UVRAG: variants seen among roughly 807,000 people sequenced by gnomAD.
UVRAG encodes UV radiation resistance associated.
Under a neutral mutation model 78.0 loss-of-function variants are expected in UVRAG, and 19 were observed. The observed-to-expected ratio is 0.24, with a 90% confidence interval of 0.17 to 0.36. The LOEUF (loss-of-function observed/expected upper bound fraction) is 0.36. Ranked by LOEUF, UVRAG falls within the 10% of genes least tolerant of loss-of-function variation. UVRAG has a pLI of 1.00. For synonymous variants in UVRAG, 323 were observed against 324.6 expected (o/e 1.00, Z 0.05); for missense variants, 740 against 853.8 (o/e 0.87, Z 1.66).
intron 2 of UVRAG, among the ~76,000 whole-genome samples, chr11:75,860,357 C>T (rs915200601): frequency 4.6e-5 from 7 of 152,186 alleles, no homozygotes; most frequent in Non-Finnish European, 7.3e-5. Context: ...CTAAGGAATT[C>T]GCTTTCTCAA....
chr11:76,139,527 CAAGCCACTT>C (rs1952665789), intron 14 of UVRAG, among the ~76,000 whole-genome samples: 1 of 152,140 alleles, frequency 6.6e-6, no homozygotes, highest in Admixed American at 6.5e-5. Context: ...TGCCCTTCTG[CAAGCCACTT>C]AACCCTCTAT....
chr11:75,919,343 CT>C (rs1947925686), intron 6 of UVRAG, among the ~76,000 whole-genome samples: 2 of 152,034 alleles, frequency 1.3e-5, no homozygotes, highest in Admixed American at 6.5e-5. Context: ...AACTCGTGTA[CT>C]TTCTTTTCTT....
intron 11 of UVRAG, among the ~76,000 whole-genome samples, chr11:76,015,167 C>T (rs968384593): frequency 1.3e-5 from 2 of 151,994 alleles, no homozygotes; most frequent in Non-Finnish European, 2.9e-5. Context: ...AGGTGGTACA[C>T]GTGTGTCATA....
chr11:76,002,743 T>A (rs1949840530), intron 8 of UVRAG, among the ~76,000 whole-genome samples: 1 of 152,116 alleles, frequency 6.6e-6, no homozygotes, highest in Admixed American at 6.6e-5. Flanking sequence ...AACTTACTGG[T>A]CTTCATAGTA....
intron 1 of UVRAG, among the ~76,000 whole-genome samples, chr11:75,818,921 G>A (rs1945325650): frequency 1.3e-5 from 2 of 152,166 alleles, no homozygotes. Flanking sequence ...ATTTTGGAGT[G>A]AAGATGGGCT....
chr11:75,884,240 T>TTCTCTCTC (rs767650431), intron 4 of UVRAG, among the ~76,000 whole-genome samples: 2 of 132,470 alleles, frequency 1.5e-5, no homozygotes, highest in Non-Finnish European at 3.1e-5. Flanking sequence ...CTCTCTCTCT[T>TTCTCTCTC]TCTCTCTCTC....
intron 6 of UVRAG, 51 bp from the exon 7 acceptor site, chr11:75,961,393 G>T: frequency 7.1e-7 from 1 of 1,414,470 alleles, no homozygotes; most frequent in Non-Finnish European, 9.7e-7. Context: ...GAGGCTCTTT[G>T]TTGAGTTTAC....
chr11:76,137,606 G>C (rs1952623777), intron 14 of UVRAG: 7 of 375,996 alleles, frequency 1.9e-5, no homozygotes, highest in Admixed American at 1.6e-4. Flanking sequence ...ATTCTTAAGA[G>C]AGACCATTTT....
chr11:76,104,526 T>G (rs144347112), intron 13 of UVRAG, among the ~76,000 whole-genome samples: 69 of 152,280 alleles, frequency 4.5e-4, no homozygotes, highest in African/African-American at 1.6e-3. Context: ...ATAAACACAT[T>G]AACAGCTGTA....
intron 13 of UVRAG, 166 bp from the exon 14 acceptor site, chr11:76,115,758 A>T (rs1205423378): frequency 3.3e-6 from 2 of 603,616 alleles, no homozygotes; most frequent in East Asian, 2.9e-5. Context: ...GTGCTTATCT[A>T]TATGTCAAAT....
rs547238702 is a variant in UVRAG at position 75,828,335 on chromosome 11, C to T, written c.117+12811C>T. ...CAAAAACGTCAGTATAAATTGGGTG[C>T]CGTGCTATGCACCTGTAATCCTAGC... On this transcript the variant is annotated intron_variant, in intron 1 of 14. Transcript: ENST00000356136. Among the ~76,000 whole-genome samples, 4 of 151,648 alleles carry T rather than the reference C, an allele frequency of 2.6e-5. No homozygotes were observed. In the South Asian group the frequency reaches 8.4e-4, roughly 32 times the overall value.
chr11:75,977,252 G>C, intron 7 of UVRAG, among the ~76,000 whole-genome samples: 1 of 152,148 alleles, frequency 6.6e-6, no homozygotes, highest in East Asian at 1.9e-4. Flanking sequence ...TATAATTTCT[G>C]TTCTTTTACA....
chr11:75,989,836 T>A (rs993646080), intron 8 of UVRAG, among the ~76,000 whole-genome samples: 1 of 152,268 alleles, frequency 6.6e-6, no homozygotes, highest in African/African-American at 2.4e-5. Context: ...TATGGTATCC[T>A]TCTCAGTGCC....
At chr11:76,066,379 C>T (rs182494974) in intron 13 of UVRAG, among the ~76,000 whole-genome samples, 2 of 152,278 alleles carry the variant, frequency 1.3e-5, no homozygotes, top group Admixed American at 6.5e-5. Context: ...AAATATGTAG[C>T]ATTTCTTTAG....
intron 12 of UVRAG, among the ~76,000 whole-genome samples, chr11:76,043,774 A>G (rs756236704): frequency 6.6e-6 from 1 of 152,206 alleles, no homozygotes; most frequent in Non-Finnish European, 1.5e-5. Flanking sequence ...TATGACATAC[A>G]TATGTATGTG....
intron 12 of UVRAG, among the ~76,000 whole-genome samples, chr11:76,039,128 C>A (rs1565131837): frequency 1.3e-5 from 2 of 152,126 alleles, no homozygotes; most frequent in Non-Finnish European, 2.9e-5. Context: ...GGACAAGTTA[C>A]TTGATCACCC....
At chr11:75,850,699 G>C (rs960677654) in intron 1 of UVRAG, among the ~76,000 whole-genome samples, 7 of 152,238 alleles carry the variant, frequency 4.6e-5, no homozygotes, top group Non-Finnish European at 1.0e-4. Context: ...AATGAAAAGT[G>C]TGTAGCAGGA....
intron 11 of UVRAG, chr11:76,012,981 A>G (rs1950082437): frequency 6.6e-6 from 1 of 152,144 alleles, no homozygotes; most frequent in Non-Finnish European, 1.5e-5. Flanking sequence ...CATTGAGAAC[A>G]TGGAATGATT....
At chr11:75,992,691 A>G (rs1439995183) in intron 8 of UVRAG, among the ~76,000 whole-genome samples, 1 of 152,172 alleles carries the variant, frequency 6.6e-6, no homozygotes, top group East Asian at 1.9e-4. Flanking sequence ...CTAGGTAACC[A>G]GATACGTACT....
Sources: allele counts gnomAD v4.1 joint callset (sites outside exome capture counted in the v4.1 genomes callset), GRCh38; gene constraint gnomAD v4.1.1; transcripts MANE v1.5; gene names NCBI Gene and HGNC (gene_info 2026-07-23, HGNC 2026-07-21).